Variants in TMEM131L observed in about 807,000 individuals in gnomAD.
TMEM131L encodes transmembrane 131 like, also known as transmembrane protein 131-like.
Under a neutral mutation model 192.2 loss-of-function variants are expected in TMEM131L, and 54 were observed. The ratio of observed to expected loss-of-function variants is 0.28; its 90% CI spans 0.23 to 0.35. The LOEUF is 0.35. Among genes scored for constraint, TMEM131L ranks in the 10% least tolerant of loss-of-function variants. The pLI is 1.00. For missense variants in TMEM131L, 1,888 were observed against 1,972.9 expected (o/e 0.96, Z 0.82); for synonymous variants, 701 against 704.9 (o/e 0.99, Z 0.09).
chr4:153,594,631 T>C (rs1394996821), intron 19 of TMEM131L, among the ~76,000 whole-genome samples: 1 of 152,232 alleles, frequency 6.6e-6, no homozygotes, highest in African/African-American at 2.4e-5. Flanking sequence ...CTTGGGTATT[T>C]TCTTCTTTCT....
intron 3 of TMEM131L, among the ~76,000 whole-genome samples, chr4:153,474,296 G>T (rs572207106): frequency 4.6e-5 from 7 of 152,320 alleles, no homozygotes; most frequent in Admixed American, 2.0e-4. Flanking sequence ...GAGCTATCAA[G>T]AATTAGTTTC....
At chr4:153,492,405 C>A (rs1043092409) in intron 3 of TMEM131L, among the ~76,000 whole-genome samples, 7 of 152,132 alleles carry the variant, frequency 4.6e-5, no homozygotes, top group Middle Eastern at 3.2e-3. Flanking sequence ...ATTACATTTT[C>A]CAAATTGATG....
At chr4:153,547,885 T>C (rs1254291059) in intron 3 of TMEM131L, among the ~76,000 whole-genome samples, 1 of 152,244 alleles carries the variant, frequency 6.6e-6, no homozygotes, top group Non-Finnish European at 1.5e-5. Flanking sequence ...TCTGTTCATG[T>C]GGAGGTTGTG....
intron 26 of TMEM131L, among the ~76,000 whole-genome samples, chr4:153,614,812 A>G (rs12507352): frequency 0.056 from 8,562 of 152,276 alleles, 455 homozygotes; most frequent in African/African-American, 0.12. Context: ...GATGTAATCA[A>G]GGCTTACATT....
chr4:153,634,941 C>G (rs151245643), intron 33 of TMEM131L, among the ~76,000 whole-genome samples: 1 of 152,282 alleles, frequency 6.6e-6, no homozygotes, highest in African/African-American at 2.4e-5. Context: ...TCCATGCTAA[C>G]CACAAGGGGG....
At chr4:153,583,162 G>C in intron 9 of TMEM131L, 28 bp from the exon 10 acceptor site, 1 of 1,137,374 alleles carries the variant, frequency 8.8e-7, no homozygotes, top group Non-Finnish European at 1.3e-6. Context: ...TAAATACTCT[G>C]CTTTAATACT....
At chr4:153,556,706 AG>A (rs1728482920) in intron 5 of TMEM131L, among the ~76,000 whole-genome samples, 1 of 152,184 alleles carries the variant, frequency 6.6e-6, no homozygotes, top group African/African-American at 2.4e-5. Context: ...GTGGAAGAGG[AG>A]GGGAAGGAAA....
chr4:153,620,913 T>C, intron 27 of TMEM131L, 33 bp downstream of exon 27: 1 of 1,541,134 alleles, frequency 6.5e-7, no homozygotes, highest in South Asian at 1.2e-5. Context: ...AATATTTTGA[T>C]CTATTTTTCA....
At chr4:153,508,800 A>G (rs563210440) in intron 3 of TMEM131L, among the ~76,000 whole-genome samples, 82 of 150,896 alleles carry the variant, frequency 5.4e-4, no homozygotes, top group African/African-American at 1.9e-3. Context: ...ACATATCACC[A>G]CGCCCTGCTA....
chr4:153,620,051 T>C (rs1733280380), intron 26 of TMEM131L, among the ~76,000 whole-genome samples: 1 of 152,104 alleles, frequency 6.6e-6, no homozygotes, highest in Admixed American at 6.5e-5. Flanking sequence ...ATAATAAGGA[T>C]TAGAATATGT....
intron 25 of TMEM131L, among the ~76,000 whole-genome samples, chr4:153,607,466 G>A (rs756422317): frequency 7.2e-5 from 11 of 152,312 alleles, no homozygotes; most frequent in African/African-American, 2.4e-4. Flanking sequence ...TGCCAGTCAC[G>A]TTGTCTCCTG....
intron 25 of TMEM131L, among the ~76,000 whole-genome samples, chr4:153,610,525 G>A (rs1163827248): frequency 6.6e-6 from 1 of 152,180 alleles, no homozygotes; most frequent in Non-Finnish European, 1.5e-5. Context: ...TGTCCTGGTT[G>A]TACTTAAACC....
At chr4:153,625,025 C>G (rs937329886) in intron 29 of TMEM131L, among the ~76,000 whole-genome samples, 1 of 152,106 alleles carries the variant, frequency 6.6e-6, no homozygotes, top group Non-Finnish European at 1.5e-5. Flanking sequence ...TCTTAATGGC[C>G]CCGCATAAAA....
chr4:153,590,046 T>C (rs1421612606), intron 16 of TMEM131L, among the ~76,000 whole-genome samples: 1 of 152,246 alleles, frequency 6.6e-6, no homozygotes, highest in East Asian at 1.9e-4. Flanking sequence ...TATTGTTTAA[T>C]ATACAGTCTA....
Position 153,586,277 on chromosome 4 carries a change from T to C in TMEM131L, c.1380T>C (p.Ala460=), listed in dbSNP as rs370502462. The C allele has an allele frequency of 1.9e-6, 3 of 1,603,390 alleles. No individual in the cohort carries two copies. Among genetic ancestry groups the C allele is most frequent in the Non-Finnish European group, 1.7e-6 (2 of 1,176,422 alleles). ...GGAATATATTTTCTTTGAAACTTGCTGTTAAAGACATTGCCATAAATCTAT... is the reference window on the plus strand; with the variant it reads ...GGAATATATTTTCTTTGAAACTTGCCGTTAAAGACATTGCCATAAATCTAT... The part of the protein sequence containing the change: ...GCWNIFSLKL[A]VKDIAINLFT... Residue 460 remains alanine, a synonymous_variant, in exon 14 of 35, where the codon GCT becomes GCC. Transcript: ENST00000409959.
chr4:153,621,055 GTTT>G (rs1733365167), intron 27 of TMEM131L, among the ~76,000 whole-genome samples, 175 bp downstream of exon 27: 1 of 152,072 alleles, frequency 6.6e-6, no homozygotes, highest in African/African-American at 2.4e-5. Context: ...TTCCCATTAT[GTTT>G]TTATTTTGTT....
chr4:153,486,213 TA>T (rs1443077876), intron 3 of TMEM131L, among the ~76,000 whole-genome samples: 1 of 152,244 alleles, frequency 6.6e-6, no homozygotes, highest in African/African-American at 2.4e-5. Flanking sequence ...AGTAATATTT[TA>T]CTGTATGCTA....
intron 3 of TMEM131L, among the ~76,000 whole-genome samples, chr4:153,500,800 C>T (rs1433790580): frequency 6.6e-6 from 1 of 152,084 alleles, no homozygotes; most frequent in East Asian, 1.9e-4. Context: ...CACACACGCT[C>T]ACACACGCGT....
intron 26 of TMEM131L, among the ~76,000 whole-genome samples, chr4:153,614,795 G>T (rs930813510): frequency 1.2e-4 from 18 of 152,194 alleles, no homozygotes; most frequent in African/African-American, 4.3e-4. Flanking sequence ...ACTCTGCGGG[G>T]AGATATGATG....
Sources: gnomAD v4.1 joint callset for allele counts (sites outside exome capture counted in the v4.1 genomes callset) on GRCh38, gnomAD v4.1.1 for gene constraint, MANE v1.5 for transcripts, NCBI Gene and HGNC (gene_info 2026-07-23, HGNC 2026-07-21) for gene names.